NOB1: variants seen among roughly 807,000 people sequenced by gnomAD.
The protein encoded by NOB1 is NIN1 (RPN12) binding protein 1 homolog, also known as RNA-binding protein NOB1.
In NOB1, 44 loss-of-function variants were observed where a neutral mutation model predicts 44.8. The observed-to-expected ratio is 0.98, with a 90% CI of 0.77 to 1.26. The LOEUF is 1.26. Ranked by LOEUF, NOB1 falls within the 50% of genes most tolerant of loss-of-function variation. The pLI, the probability that NOB1 is intolerant of heterozygous loss-of-function variation, is 0.00. For synonymous variants in NOB1, 238 were observed against 218.7 expected (o/e 1.09, Z -0.78); for missense variants, 560 against 544.8 (o/e 1.03, Z -0.28).
chr16:69,751,688 GT>G (rs1189163429), intron 3 of NOB1, among the ~76,000 whole-genome samples: 1 of 152,238 alleles, frequency 6.6e-6, no homozygotes, highest in Admixed American at 6.5e-5. Flanking sequence ...TGGCTTTAAA[GT>G]TTTTAAGAGT....
In NOB1 at chr16:69,742,259, G is replaced by A. The variant is rs1030886011; in HGVS notation, c.*73C>T. 1.0e-4 allele frequency: 155 copies of A among 1,556,000 alleles called. 1 individual carries two copies. The highest frequency in any genetic ancestry group is 3.5e-4 in the Middle Eastern group (2 of 5,670). The stretch of plus-strand genomic sequence containing the variant: ...CATCGGGTGGTCCTGGAGACGACAC[G>A]GCTGGGGAAATGGGTCACCGGAACT... On this transcript the variant is annotated 3_prime_UTR_variant, in exon 9 of 9. Coordinates refer to ENST00000268802, the MANE Select transcript of NOB1 (RefSeq NM_014062.3).
At chr16:69,752,794 G>T (rs1236133968) in intron 2 of NOB1, among the ~76,000 whole-genome samples, 2 of 152,118 alleles carry the variant, frequency 1.3e-5, no homozygotes, top group African/African-American at 4.8e-5. Context: ...TTATCCCGGT[G>T]TGGTAGCGGG....
chr16:69,745,041 T>G, intron 7 of NOB1, 24 bp from the exon 8 acceptor site: 4 of 1,613,516 alleles, frequency 2.5e-6, no homozygotes, highest in Non-Finnish European at 3.4e-6. Flanking sequence ...AAGGAGATGA[T>G]CTGTACCAAA....
At chr16:69,744,724 G>A (rs1597614613) in intron 8 of NOB1, 149 bp downstream of exon 8, 1 of 860,570 alleles carries the variant, frequency 1.2e-6, no homozygotes, top group Non-Finnish European at 1.8e-6. Context: ...GATGGCATCT[G>A]TCACACACTC....
chr16:69,749,972 C>CT (rs1491050255), intron 3 of NOB1, among the ~76,000 whole-genome samples: 1 of 133,074 alleles, frequency 7.5e-6, no homozygotes, highest in East Asian at 2.2e-4. Context: ...AAATGAGACT[C>CT]TGTCTCAAAA....
rs578112468 is a variant in NOB1, at chr16:69,742,170, T to G, written c.*162A>C. The G allele has an allele frequency of 6.2e-5, 55 of 881,698 alleles. No homozygotes were observed. The East Asian group carries it at 1.5e-3, about 23-fold the overall frequency. The allele number at this position is 881,698 out of a possible 1,614,324, so 54.6% of individuals were successfully genotyped here. A position where few individuals can be genotyped will look rare whatever the true frequency, so the allele number is the denominator to read the frequency against. ...GCTCACAGGCCATGGGACAGTCCAG[T>G]TCCCTGCAGACCCAGCGGGGCATGG... On this transcript the variant is annotated 3_prime_UTR_variant, in exon 9 of 9. Coordinates refer to ENST00000268802, the MANE Select transcript of NOB1 (RefSeq NM_014062.3).
chr16:69,754,864 C>G lies in NOB1; in HGVS notation c.47G>C (p.Arg16Pro). 6.3e-7 allele frequency: 1 copy of G among 1,597,776 alleles called. No individual in the cohort carries two copies. The highest frequency in any genetic ancestry group is 8.5e-7 in the Non-Finnish European group (1 of 1,173,058). The change falls in exon 1 of 9, where the codon CGG becomes CCG. Residue 16 changes from arginine (R) to proline (P), a missense_variant. Coordinates refer to ENST00000268802, the MANE Select transcript of NOB1 (RefSeq NM_014062.3). ...HVVADAGAFL[R>P]HAALQDIGKN... Reference sequence around the variant, plus strand: ...TCCCCGTACCTGCAGAGCCGCATGCCGCAGGAAAGCCCCAGCATCCGCCAC... The same window carrying G: ...TCCCCGTACCTGCAGAGCCGCATGCGGCAGGAAAGCCCCAGCATCCGCCAC...
At chr16:69,749,893 C>A (rs902633086) in intron 3 of NOB1, among the ~76,000 whole-genome samples, 2 of 151,114 alleles carry the variant, frequency 1.3e-5, no homozygotes, top group African/African-American at 4.9e-5. Context: ...CAGGAGAATT[C>A]CTTGAAACCG....
intron 7 of NOB1, among the ~76,000 whole-genome samples, chr16:69,746,115 G>A (rs568027107): frequency 6.4e-4 from 98 of 152,326 alleles, no homozygotes; most frequent in African/African-American, 1.9e-3. Flanking sequence ...AGTGGCTGGC[G>A]GGGCGGGGCC....
intron 7 of NOB1, 148 bp from the exon 8 acceptor site, chr16:69,745,165 G>T: frequency 1.3e-6 from 1 of 793,480 alleles, no homozygotes; most frequent in Non-Finnish European, 2.0e-6. Flanking sequence ...GGCCACTGAA[G>T]CTGTCAGCAA....
chr16:69,743,723 T>G (rs942545330), intron 8 of NOB1, among the ~76,000 whole-genome samples: 1 of 152,170 alleles, frequency 6.6e-6, no homozygotes, highest in African/African-American at 2.4e-5. Flanking sequence ...GATGACAAAA[T>G]GCAACGTTTC....
At chr16:69,744,207 G>C (rs552702277) in intron 8 of NOB1, among the ~76,000 whole-genome samples, 6 of 152,164 alleles carry the variant, frequency 3.9e-5, no homozygotes, top group Non-Finnish European at 8.8e-5. Context: ...TGTAGTCCCA[G>C]CTACTTGGGA....
chr16:69,742,137 G>A lies in NOB1; in HGVS notation c.*195C>T, dbSNP rs748305488. On this transcript the variant is annotated 3_prime_UTR_variant, in exon 9 of 9. Transcript: ENST00000268802. ...GCACTTCCTTGGCAGGCAGCCAGGCGCTCCGGTGCTCACAGGCCATGGGAC... is the reference window on the plus strand; with the variant it reads ...GCACTTCCTTGGCAGGCAGCCAGGCACTCCGGTGCTCACAGGCCATGGGAC... The A allele has an allele frequency of 4.9e-5, 28 of 575,794 alleles. No individual in the cohort carries two copies. In the East Asian group the frequency reaches 6.8e-4, roughly 14 times the overall value. 35.7% of individuals were successfully genotyped at this position (575,794 alleles called of 1,614,324 possible).
Position 69,742,041 on chromosome 16 carries a change from A to ATATT in NOB1, c.*287_*290dup. ...GGTTGCAGCCGCATTTATTAGAAAA[A>ATATT]TATTATCCTTTGGAAATTCCTTTCT... is the stretch of plus-strand genomic sequence containing the variant. On this transcript the variant is annotated 3_prime_UTR_variant, in exon 9 of 9. Coordinates refer to ENST00000268802, the MANE Select transcript of NOB1 (RefSeq NM_014062.3). The ATATT allele has an allele frequency of 2.8e-6, 1 of 356,856 alleles. No homozygotes were observed. The highest frequency in any genetic ancestry group is 5.1e-6 in the Non-Finnish European group (1 of 195,698). 22.1% of individuals were successfully genotyped at this position (356,856 alleles called of 1,614,324 possible).
intron 3 of NOB1, among the ~76,000 whole-genome samples, chr16:69,750,728 G>A (rs577392990): frequency 7.0e-4 from 107 of 152,294 alleles, no homozygotes; most frequent in African/African-American, 2.5e-3. Context: ...CTTGAGCCCA[G>A]GAGTTTGAGA....
At chr16:69,746,464 A>G (rs1015745075) in intron 7 of NOB1, among the ~76,000 whole-genome samples, 4 of 152,238 alleles carry the variant, frequency 2.6e-5, no homozygotes, top group African/African-American at 9.6e-5. Flanking sequence ...CACAGGAACC[A>G]ACTCAAGAGT....
chr16:69,749,687 T>C (rs1230711973), intron 3 of NOB1, 57 bp from the exon 4 acceptor site: 15 of 1,426,182 alleles, frequency 1.1e-5, no homozygotes, highest in Admixed American at 2.1e-5. Context: ...ATATCCAGTT[T>C]TTTTTTTTGG....
At chr16:69,751,783 C>T (rs2038484506) in intron 3 of NOB1, among the ~76,000 whole-genome samples, 1 of 151,972 alleles carries the variant, frequency 6.6e-6, no homozygotes, top group Admixed American at 6.6e-5. Flanking sequence ...GGGCTGAGGC[C>T]GGGCGCACTG....
chr16:69,752,305 G>T lies in NOB1; in HGVS notation c.263C>A (p.Ala88Glu). 6.2e-7 allele frequency: 1 copy of T among 1,613,818 alleles called. No homozygotes were observed. Among genetic ancestry groups the T allele is most frequent in the Non-Finnish European group, 8.5e-7 (1 of 1,179,924 alleles). ...SLSATDIQVL[A>E]LTYQLEAEFV... ...CTCTGCTTCCAACTGGTATGTGAGT[G>T]CAAGCACTTGGATGTCCGTGGCAGA... The change falls in exon 3 of 9, where the codon GCA (alanine) becomes GAA (glutamate). Residue 88 changes from alanine to glutamate, a missense_variant. Physicochemically the swap from Ala to Glu is moderately radical, Grantham distance 107. Coordinates refer to ENST00000268802, the MANE Select transcript of NOB1 (RefSeq NM_014062.3).
Sources: gnomAD v4.1 joint callset for allele counts (sites outside exome capture counted in the v4.1 genomes callset) on GRCh38, gnomAD v4.1.1 for gene constraint, MANE v1.5 for transcripts, NCBI Gene and HGNC (gene_info 2026-07-23, HGNC 2026-07-21) for gene names.